TRAK1: variants seen among roughly 807,000 people sequenced by gnomAD.
TRAK1 encodes the protein trafficking kinesin-binding protein 1.
TRAK1 carries 33 observed loss-of-function variants against 92.1 expected under a neutral mutation model. That is an observed-to-expected ratio of 0.36 (90% CI 0.27 to 0.48). The LOEUF (loss-of-function observed/expected upper bound fraction) is 0.48. Ranked by LOEUF, TRAK1 falls within the 20% of genes least tolerant of loss-of-function variation. TRAK1 has a pLI of 0.99. For missense variants in TRAK1, 1,123 were observed against 1,257.9 expected, an observed-to-expected ratio of 0.89 and a Z score of 1.62; for synonymous variants, 521 against 517.3, an observed-to-expected ratio of 1.01 and a Z score of -0.10.
chr3:42,201,400 C>T (rs1707536648), intron 12 of TRAK1, among the ~76,000 whole-genome samples: 1 of 151,742 alleles, frequency 6.6e-6, no homozygotes, highest in Admixed American at 6.6e-5. Flanking sequence ...GTGGAGGTTG[C>T]AGCAAGCTGA....
Position 42,194,818 on chromosome 3 carries a change from G to C in TRAK1, c.990G>C (p.Glu330Asp). 6.2e-7 allele frequency: 1 copy of C among 1,613,696 alleles called. No individual in the cohort carries two copies. ...RQLTAELREL[E>D]DKYAECMEML... ...CCTGCCTGCAGCTGCGTGAGCTGGA[G>C]GACAAGTACGCAGAGTGCATGGAGA... is the stretch of plus-strand genomic sequence containing the variant. The change falls in exon 10 of 16, where the codon GAG becomes GAC. Residue 330 changes from glutamate to aspartate, a missense_variant. By Grantham distance (45) the Glu-to-Asp change is conservative. This residue lies in a region of TRAK1 where 686 missense variants were observed against 747.6 expected (regional missense o/e 0.92). Transcript: ENST00000327628.
At chr3:42,167,283 T>C (rs1283423624) in intron 2 of TRAK1, among the ~76,000 whole-genome samples, 1 of 152,210 alleles carries the variant, frequency 6.6e-6, no homozygotes, top group Non-Finnish European at 1.5e-5. Context: ...AGTTTTGTTT[T>C]GCTTTTTGAG....
At chr3:42,027,986 A>AT (rs1701984206) in intron 1 of TRAK1, among the ~76,000 whole-genome samples, 2 of 152,024 alleles carry the variant, frequency 1.3e-5, no homozygotes, top group Non-Finnish European at 2.9e-5. Flanking sequence ...AGTAGCTGGG[A>AT]TTATAGGCGC....
At chr3:42,131,303 C>A (rs1041071189) in intron 2 of TRAK1, among the ~76,000 whole-genome samples, 2 of 152,178 alleles carry the variant, frequency 1.3e-5, no homozygotes, top group African/African-American at 4.8e-5. Flanking sequence ...CACTTGCCCC[C>A]AGAGTTCCCT....
chr3:42,065,626 A>T (rs1576223840), intron 1 of TRAK1, among the ~76,000 whole-genome samples: 1 of 152,086 alleles, frequency 6.6e-6, no homozygotes, highest in East Asian at 1.9e-4. Flanking sequence ...GAAGTACTGG[A>T]ATAGTTTTAT....
At chr3:42,166,920 G>A (rs960909600) in intron 2 of TRAK1, among the ~76,000 whole-genome samples, 1 of 152,152 alleles carries the variant, frequency 6.6e-6, no homozygotes, top group African/African-American at 2.4e-5. Context: ...GCTCTGGGTC[G>A]GTCTCTGCCC....
intron 1 of TRAK1, among the ~76,000 whole-genome samples, chr3:42,092,711 G>GTGTTATGTTATGTTATGTTATGATA (rs1705261116): frequency 1.8e-4 from 18 of 101,118 alleles, no homozygotes; most frequent in African/African-American, 5.5e-4. Context: ...GTGTTGTGTT[G>GTGTTATGTTATGTTATGTTATGATA]TGTTATGTTA....
At chr3:42,026,029 T>G (rs9881602) in intron 1 of TRAK1, among the ~76,000 whole-genome samples, 4,345 of 152,270 alleles carry the variant, frequency 0.029, 218 homozygotes, top group African/African-American at 0.099. Context: ...CTTTCTTCTT[T>G]CTCCGTTTAT....
intron 1 of TRAK1, among the ~76,000 whole-genome samples, chr3:42,113,314 T>C (rs1708706364): frequency 6.6e-6 from 1 of 152,154 alleles, no homozygotes; most frequent in African/African-American, 2.4e-5. Flanking sequence ...AGCATTGTTA[T>C]TCTACTCTAC....
chr3:42,092,197 C>G (rs540958932), intron 1 of TRAK1, among the ~76,000 whole-genome samples: 8 of 152,200 alleles, frequency 5.3e-5, no homozygotes, highest in African/African-American at 1.9e-4. Flanking sequence ...GCTTGTGTCT[C>G]TTGCTGTGGG....
At chr3:42,132,958 G>A (rs1362988608) in intron 2 of TRAK1, among the ~76,000 whole-genome samples, 1 of 152,028 alleles carries the variant, frequency 6.6e-6, no homozygotes, top group Non-Finnish European at 1.5e-5. Flanking sequence ...TATCCTCCTG[G>A]CCATCCACTG....
intron 4 of TRAK1, among the ~76,000 whole-genome samples, chr3:42,187,259 T>G (rs1033209497): frequency 6.6e-6 from 1 of 152,138 alleles, no homozygotes; most frequent in Admixed American, 6.5e-5. Context: ...CATCCAAGTG[T>G]GAGAGCAAGG....
chr3:42,083,980 T>C (rs1704551763), upstream of TRAK1, among the ~76,000 whole-genome samples: 1 of 152,114 alleles, frequency 6.6e-6, no homozygotes, highest in African/African-American at 2.4e-5. Context: ...GTTTGTCAGA[T>C]TTTTATCTAA....
chr3:42,073,311 C>T (rs62257305), intron 1 of TRAK1, among the ~76,000 whole-genome samples: 273 of 152,266 alleles, frequency 1.8e-3, no homozygotes, highest in Middle Eastern at 3.4e-3. Context: ...GCTGTCGGCT[C>T]GTCTAAATCT....
At chr3:42,203,613 G>A (rs1012871870) in intron 13 of TRAK1, 23 of 983,708 alleles carry the variant, frequency 2.3e-5, no homozygotes, top group Non-Finnish European at 2.5e-5. Context: ...CTTTAGTTTG[G>A]AAAGCCATAT....
intron 1 of TRAK1, among the ~76,000 whole-genome samples, chr3:42,038,802 AG>A (rs1253914537): frequency 6.6e-5 from 7 of 105,978 alleles, no homozygotes; most frequent in Admixed American, 1.7e-4. Context: ...AAAAAAAAAA[AG>A]TTTTTTTTTT....
At chr3:42,193,048 C>G (rs373937349) in intron 7 of TRAK1, 27 bp from the exon 8 acceptor site, 2 of 1,612,322 alleles carry the variant, frequency 1.2e-6, no homozygotes, top group Non-Finnish European at 8.5e-7. Context: ...CTGACTTCCT[C>G]TCCTGATTGT....
chr3:42,131,772 C>T (rs1459268669), intron 2 of TRAK1, among the ~76,000 whole-genome samples: 1 of 149,580 alleles, frequency 6.7e-6, no homozygotes, highest in South Asian at 2.1e-4. Context: ...AAAATACAAT[C>T]CTTGGCCAGG....
At chr3:42,112,135 CTTTTTTTTTTTTT>C (rs1223261204) in intron 1 of TRAK1, among the ~76,000 whole-genome samples, 4 of 71,044 alleles carry the variant, frequency 5.6e-5, no homozygotes, top group African/African-American at 1.2e-4. Flanking sequence ...TCAGCTCTTA[CTTTTTTTTTTTTT>C]TTTTTTTTTT....
Sources: allele counts gnomAD v4.1 joint callset (sites outside exome capture counted in the v4.1 genomes callset), GRCh38; gene constraint gnomAD v4.1.1; regional missense constraint gnomAD v4.1.1; transcripts MANE v1.5; gene names NCBI Gene and HGNC (gene_info 2026-07-23, HGNC 2026-07-21).